Variants in TNIK observed in about 807,000 individuals in gnomAD.
The protein encoded by TNIK is TRAF2 and NCK interacting kinase, also known as TRAF2 and NCK-interacting protein kinase.
Under a neutral mutation model 191.3 loss-of-function variants are expected in TNIK, and 49 were observed. That is an observed-to-expected ratio of 0.26 (90% CI 0.20 to 0.32). The LOEUF (loss-of-function observed/expected upper bound fraction) is 0.32, where lower values mean the gene tolerates loss of function less well. Among genes scored for constraint, TNIK ranks in the 10% least tolerant of loss-of-function variants. The pLI is 1.00. For missense variants in TNIK, 1,155 were observed against 1,702.3 expected (o/e 0.68, Z 5.66); for synonymous variants, 594 against 600.9 (o/e 0.99, Z 0.17).
chr3:171,163,529 A>C (rs1421820222), intron 10 of TNIK, among the ~76,000 whole-genome samples: 1 of 152,218 alleles, frequency 6.6e-6, no homozygotes, highest in Non-Finnish European at 1.5e-5. Context: ...ACTTAGCTTC[A>C]TACATTTAGG....
At chr3:171,377,993 G>A (rs1717492894) in intron 1 of TNIK, among the ~76,000 whole-genome samples, 1 of 152,184 alleles carries the variant, frequency 6.6e-6, no homozygotes, top group Admixed American at 6.5e-5. Flanking sequence ...GATGCTGAAG[G>A]CCTTGTGGGT....
chr3:171,088,520 A>G (rs1463593376), intron 23 of TNIK, among the ~76,000 whole-genome samples: 1 of 152,214 alleles, frequency 6.6e-6, no homozygotes, highest in Non-Finnish European at 1.5e-5. Flanking sequence ...CGTGTGAACC[A>G]CCATGCCCGG....
chr3:171,426,105 C>T (rs1393370316), intron 1 of TNIK, among the ~76,000 whole-genome samples: 1 of 152,028 alleles, frequency 6.6e-6, no homozygotes, highest in Non-Finnish European at 1.5e-5. Context: ...CACATGCACA[C>T]ATATGTTTAC....
intron 1 of TNIK, among the ~76,000 whole-genome samples, chr3:171,419,489 T>C (rs907630152): frequency 3.3e-5 from 5 of 152,198 alleles, no homozygotes; most frequent in African/African-American, 1.2e-4. Context: ...AATGGGTGAA[T>C]TGTATTCTCC....
chr3:171,378,590 A>G (rs1717587834), intron 1 of TNIK, among the ~76,000 whole-genome samples: 1 of 152,208 alleles, frequency 6.6e-6, no homozygotes, highest in African/African-American at 2.4e-5. Flanking sequence ...AGTATCTCCA[A>G]TACCTCGATC....
chr3:171,313,829 A>G (rs188840390), intron 2 of TNIK, among the ~76,000 whole-genome samples: 37 of 152,144 alleles, frequency 2.4e-4, no homozygotes, highest in African/African-American at 8.9e-4. Flanking sequence ...ACTTAAAGAC[A>G]CATCTTTCCT....
chr3:171,409,604 C>T lies in TNIK; in HGVS notation c.58-39919G>A, dbSNP rs76690107. Among the ~76,000 whole-genome samples, 606 of 151,518 alleles carry T rather than the reference C, an allele frequency of 4.0e-3. 5 individuals carry two copies. The highest frequency in any genetic ancestry group is 0.014 in the African/African-American group (583 of 41,230). Reference sequence around the variant, plus strand: ...TTTAAATTGTTCAAAATAAACAGACCAAAACAAGGCCTCTATAACCCCCAT... The same window carrying T: ...TTTAAATTGTTCAAAATAAACAGACTAAAACAAGGCCTCTATAACCCCCAT... On this transcript the variant is annotated intron_variant, in intron 1 of 32. Coordinates refer to ENST00000436636, the MANE Select transcript of TNIK (RefSeq NM_015028.4).
At chr3:171,210,138 T>C (rs998409497) in intron 4 of TNIK, among the ~76,000 whole-genome samples, 4 of 151,880 alleles carry the variant, frequency 2.6e-5, no homozygotes, top group Non-Finnish European at 1.5e-5. Context: ...ACATGTGGGA[T>C]GAACAGAAAT....
In TNIK at chr3:171,374,392, G is replaced by A. The variant is rs1716942296; in HGVS notation, c.58-4707C>T. ...GCCAACAGAATGTGCAGCAAGGAGA[G>A]GAAGCTGTACCTAATAATCATGTTA... is the stretch of plus-strand genomic sequence containing the variant. On this transcript the variant is annotated intron_variant, in intron 1 of 32. Coordinates refer to ENST00000436636, the MANE Select transcript of TNIK (RefSeq NM_015028.4). Among the ~76,000 whole-genome samples, 3 of 152,214 alleles carry A rather than the reference G, an allele frequency of 2.0e-5. No homozygotes were observed. In the East Asian group the frequency reaches 5.8e-4, roughly 29 times the overall value.
At chr3:171,211,733 G>A (rs1338270397) in intron 3 of TNIK, among the ~76,000 whole-genome samples, 1 of 152,146 alleles carries the variant, frequency 6.6e-6, no homozygotes, top group African/African-American at 2.4e-5. Flanking sequence ...AGTCAGATGG[G>A]AAAAGGAGCA....
At chr3:171,443,131 C>G (rs1727040783) in intron 1 of TNIK, among the ~76,000 whole-genome samples, 2 of 152,232 alleles carry the variant, frequency 1.3e-5, no homozygotes, top group South Asian at 2.1e-4. Flanking sequence ...CTGGAGCTAC[C>G]AATTTAAAGA....
At chr3:171,197,641 T>C (rs889767301) in intron 4 of TNIK, among the ~76,000 whole-genome samples, 1 of 152,098 alleles carries the variant, frequency 6.6e-6, no homozygotes, top group Admixed American at 6.5e-5. Flanking sequence ...TGGCTAACAA[T>C]GACATGTAGA....
intron 12 of TNIK, among the ~76,000 whole-genome samples, chr3:171,142,669 A>G (rs905723832): frequency 1.3e-5 from 2 of 152,224 alleles, no homozygotes; most frequent in Non-Finnish European, 2.9e-5. Context: ...GAAAAATAAT[A>G]CAGGAAGATG....
chr3:171,256,962 C>T (rs140908593), intron 2 of TNIK, among the ~76,000 whole-genome samples: 25 of 152,258 alleles, frequency 1.6e-4, no homozygotes, highest in Admixed American at 3.3e-4. Flanking sequence ...AGGTCTACTT[C>T]CCTAGGTCTG....
chr3:171,399,640 C>T (rs1360067471), intron 1 of TNIK, among the ~76,000 whole-genome samples: 1 of 151,866 alleles, frequency 6.6e-6, no homozygotes, highest in African/African-American at 2.4e-5. Context: ...TTTTTTATGG[C>T]AATAAATATT....
chr3:171,161,419 AAT>A, intron 10 of TNIK, 83 bp from the exon 11 acceptor site: 5 of 1,234,168 alleles, frequency 4.1e-6, no homozygotes, highest in Non-Finnish European at 5.7e-6. Flanking sequence ...TATATAAATA[AAT>A]AGACACCCAA....
At chr3:171,066,502 T>G (rs1395171396) in intron 31 of TNIK, 74 bp downstream of exon 31, 3 of 1,589,472 alleles carry the variant, frequency 1.9e-6, no homozygotes, top group Non-Finnish European at 2.6e-6. Context: ...ATCAAATGGT[T>G]GTTTCACATT....
intron 1 of TNIK, among the ~76,000 whole-genome samples, chr3:171,380,045 A>G (rs12631226): frequency 0.39 from 59,052 of 151,386 alleles, 13,324 homozygotes; most frequent in East Asian, 0.9. Flanking sequence ...ACACACACAC[A>G]CACACACACA....
chr3:171,253,140 C>T (rs1308194938), intron 2 of TNIK, among the ~76,000 whole-genome samples: 5 of 151,054 alleles, frequency 3.3e-5, no homozygotes, highest in Admixed American at 6.6e-5. Context: ...AAAAATTAGC[C>T]GGGCGTGGTG....
Sources: gnomAD v4.1 joint callset for allele counts (sites outside exome capture counted in the v4.1 genomes callset) on GRCh38, gnomAD v4.1.1 for gene constraint, MANE v1.5 for transcripts, NCBI Gene and HGNC (gene_info 2026-07-23, HGNC 2026-07-21) for gene names.